CABCOCO1: variants seen among roughly 807,000 people sequenced by gnomAD.
The protein encoded by CABCOCO1 is ciliary associated calcium binding coiled-coil 1, also known as ciliary-associated calcium-binding coiled-coil protein 1.
A neutral mutation model predicts 35.7 loss-of-function variants in CABCOCO1; 28 were observed. The observed-to-expected ratio is 0.78, with a 90% CI of 0.58 to 1.07. CABCOCO1 has a LOEUF of 1.07. CABCOCO1 is among the 50% of genes least tolerant of loss of function. The pLI, the probability that CABCOCO1 is intolerant of heterozygous loss-of-function variation, is 0.00. For missense variants in CABCOCO1, 326 were observed against 309.2 expected (o/e 1.05, Z -0.41); for synonymous variants, 95 against 100.1 (o/e 0.95, Z 0.30).
At chr10:61,721,184 A>G (rs1241965153) in intron 5 of CABCOCO1, among the ~76,000 whole-genome samples, 2 of 151,322 alleles carry the variant, frequency 1.3e-5, no homozygotes, top group African/African-American at 2.4e-5. Flanking sequence ...TCAGCCTCCC[A>G]AAGTGCTGGG....
chr10:61,737,137 T>C (rs953046190), intron 5 of CABCOCO1, among the ~76,000 whole-genome samples: 2 of 152,138 alleles, frequency 1.3e-5, no homozygotes, highest in Non-Finnish European at 2.9e-5. Flanking sequence ...ATGCCCTTAA[T>C]TTCTTTCTCT....
intron 5 of CABCOCO1, among the ~76,000 whole-genome samples, chr10:61,730,331 C>A (rs1841273189): frequency 6.6e-6 from 1 of 151,986 alleles, no homozygotes; most frequent in Non-Finnish European, 1.5e-5. Context: ...CTCCTCCTAG[C>A]CAATGTGAAC....
chr10:61,750,079 G>C (rs1369535268), intron 5 of CABCOCO1, among the ~76,000 whole-genome samples: 1 of 151,420 alleles, frequency 6.6e-6, no homozygotes, highest in African/African-American at 2.4e-5. Flanking sequence ...ATTGTATTGT[G>C]AGTGGGGGAC....
intron 5 of CABCOCO1, among the ~76,000 whole-genome samples, chr10:61,737,279 T>C (rs1841438938): frequency 6.6e-6 from 1 of 152,122 alleles, no homozygotes; most frequent in African/African-American, 2.4e-5. Context: ...AGAATGGCTA[T>C]TATTACAAGG....
chr10:61,736,319 A>G (rs1841415068), intron 5 of CABCOCO1, among the ~76,000 whole-genome samples: 1 of 152,132 alleles, frequency 6.6e-6, no homozygotes, highest in South Asian at 2.1e-4. Flanking sequence ...ACTTTTATAT[A>G]TGGTGTAAGA....
intron 5 of CABCOCO1, among the ~76,000 whole-genome samples, chr10:61,717,973 G>A (rs554218628): frequency 6.6e-6 from 1 of 152,294 alleles, no homozygotes; most frequent in South Asian, 2.1e-4. Flanking sequence ...GAGATTACTG[G>A]AAAATAGAAT....
At chr10:61,692,739 C>T (rs113612171) in intron 5 of CABCOCO1, among the ~76,000 whole-genome samples, 2 of 152,086 alleles carry the variant, frequency 1.3e-5, no homozygotes, top group African/African-American at 4.8e-5. Context: ...ACCCTTTTTG[C>T]TTCTGACTTT....
intron 5 of CABCOCO1, among the ~76,000 whole-genome samples, chr10:61,703,613 C>T (rs984220257): frequency 2.0e-5 from 3 of 152,040 alleles, no homozygotes; most frequent in Admixed American, 1.3e-4. Flanking sequence ...CTCCTGTAGA[C>T]CACCATTGAT....
At chr10:61,704,918 TA>T (rs369871627) in intron 5 of CABCOCO1, among the ~76,000 whole-genome samples, 75 of 143,942 alleles carry the variant, frequency 5.2e-4, no homozygotes, top group Admixed American at 1.9e-3. Flanking sequence ...GATTTCTGGT[TA>T]AAAAAAAAAA....
chr10:61,670,462 T>C (rs954668915), intron 1 of CABCOCO1, among the ~76,000 whole-genome samples: 1 of 152,192 alleles, frequency 6.6e-6, no homozygotes, highest in African/African-American at 2.4e-5. Flanking sequence ...ATATTTTATT[T>C]CTAAATTAGA....
At chr10:61,743,193 T>C (rs566083733) in intron 5 of CABCOCO1, among the ~76,000 whole-genome samples, 1 of 152,316 alleles carries the variant, frequency 6.6e-6, no homozygotes, top group Non-Finnish European at 1.5e-5. Context: ...AAGGGAAATA[T>C]ATTGTCCTAA....
At chr10:61,685,937 T>C in intron 3 of CABCOCO1, 104 bp from the exon 4 acceptor site, 1 of 966,990 alleles carries the variant, frequency 1.0e-6, no homozygotes, top group African/African-American at 1.7e-5. Flanking sequence ...TCCTCACAAA[T>C]ACTTAACAAA....
At chr10:61,721,563 G>A (rs1189612745) in intron 5 of CABCOCO1, among the ~76,000 whole-genome samples, 1 of 152,152 alleles carries the variant, frequency 6.6e-6, no homozygotes, top group Non-Finnish European at 1.5e-5. Context: ...GTCTAGTAAG[G>A]GATGGAATCA....
chr10:61,710,843 G>C (rs761556164), intron 5 of CABCOCO1, among the ~76,000 whole-genome samples: 2 of 151,736 alleles, frequency 1.3e-5, no homozygotes, highest in Non-Finnish European at 2.9e-5. Context: ...GGAAGAAGAT[G>C]GGTACACAGA....
At chr10:61,727,176 C>T (rs1841176070) in intron 5 of CABCOCO1, among the ~76,000 whole-genome samples, 1 of 152,100 alleles carries the variant, frequency 6.6e-6, no homozygotes, top group African/African-American at 2.4e-5. Flanking sequence ...TTTAGACTCC[C>T]ATAGATCTTA....
At chr10:61,729,292 T>C (rs752408353) in intron 5 of CABCOCO1, among the ~76,000 whole-genome samples, 2 of 152,166 alleles carry the variant, frequency 1.3e-5, no homozygotes, top group African/African-American at 2.4e-5. Flanking sequence ...TGTGCTTTCA[T>C]TGAATTATAA....
intron 5 of CABCOCO1, among the ~76,000 whole-genome samples, chr10:61,700,664 T>C (rs1840424672): frequency 1.3e-5 from 2 of 152,056 alleles, no homozygotes; most frequent in African/African-American, 2.4e-5. Context: ...TTATCCCAAG[T>C]AGATAATCAG....
intron 5 of CABCOCO1, among the ~76,000 whole-genome samples, chr10:61,721,926 C>A (rs1424331201): frequency 1.3e-5 from 2 of 152,136 alleles, no homozygotes; most frequent in East Asian, 3.8e-4. Flanking sequence ...AACTACAGAA[C>A]CTCAGCCAGT....
At chr10:61,678,119 C>T (rs1163330430) in intron 2 of CABCOCO1, among the ~76,000 whole-genome samples, 1 of 151,956 alleles carries the variant, frequency 6.6e-6, no homozygotes, top group Non-Finnish European at 1.5e-5. Flanking sequence ...ATAACCAATT[C>T]TCCCAGCACC....
Sources: gnomAD v4.1 joint callset for allele counts (sites outside exome capture counted in the v4.1 genomes callset) on GRCh38, gnomAD v4.1.1 for gene constraint, MANE v1.5 for transcripts, NCBI Gene and HGNC (gene_info 2026-07-23, HGNC 2026-07-21) for gene names.